The following CFAP91 variants were observed in gnomAD, a reference collection of about 807,000 sequenced individuals.
CFAP91 encodes the protein cilia and flagella associated protein 91.
Under a neutral mutation model 95.9 loss-of-function variants are expected in CFAP91, and 85 were observed. That is an observed-to-expected ratio of 0.89 (90% CI 0.74 to 1.06). The LOEUF is 1.06. Ranked by LOEUF, CFAP91 falls within the 50% of genes least tolerant of loss-of-function variation. The pLI is 0.00. For synonymous variants in CFAP91, 335 were observed against 327.5 expected (o/e 1.02, Z -0.25); for missense variants, 962 against 943.4 (o/e 1.02, Z -0.26).
At chr3:119,722,932 T>TA (rs2053714837) in intron 6 of CFAP91, among the ~76,000 whole-genome samples, 1 of 152,158 alleles carries the variant, frequency 6.6e-6, no homozygotes, top group Non-Finnish European at 1.5e-5. Flanking sequence ...AGAGAGAAAA[T>TA]ATTTATCAAT....
chr3:119,749,860 G>A (rs1247744365), intron 16 of CFAP91, among the ~76,000 whole-genome samples: 12 of 152,180 alleles, frequency 7.9e-5, no homozygotes, highest in African/African-American at 2.9e-4. Context: ...AAAGATACCT[G>A]TATATAGATA....
chr3:119,727,654 A>C (rs763077631), intron 7 of CFAP91, among the ~76,000 whole-genome samples: 17 of 152,190 alleles, frequency 1.1e-4, no homozygotes, highest in Non-Finnish European at 1.9e-4. Context: ...AGGAAGGGAC[A>C]AAAGATCTTA....
chr3:119,726,580 GTGTT>G (rs1238440167), intron 7 of CFAP91, among the ~76,000 whole-genome samples: 2 of 152,126 alleles, frequency 1.3e-5, no homozygotes, highest in African/African-American at 4.8e-5. Context: ...TGCCCTCTGT[GTGTT>G]TGAAGAAGCT....
intron 14 of CFAP91, among the ~76,000 whole-genome samples, chr3:119,746,494 C>T (rs563192388): frequency 6.6e-6 from 1 of 152,282 alleles, no homozygotes; most frequent in East Asian, 1.9e-4. Context: ...GGTCGTAGGC[C>T]TTCTGGCAAT....
chr3:119,758,282 T>C (rs1038012293), intron 17 of CFAP91, among the ~76,000 whole-genome samples: 8 of 152,212 alleles, frequency 5.3e-5, no homozygotes, highest in Non-Finnish European at 1.2e-4. Flanking sequence ...GTAATATTTT[T>C]TAATGAATCT....
At chr3:119,740,837 G>GTA (rs1297868466) in intron 13 of CFAP91, 142 bp downstream of exon 13, 1 of 348,644 alleles carries the variant, frequency 2.9e-6, no homozygotes, top group Non-Finnish European at 5.0e-6. Context: ...GTCAGCATTT[G>GTA]TGTGTGTGTG....
Position 119,732,276 on chromosome 3 carries a change from A to G in CFAP91, c.1019-18A>G, listed in dbSNP as rs1200085200. 6 of 1,570,142 alleles carry G rather than the reference A, an allele frequency of 3.8e-6. No homozygotes were observed. Among genetic ancestry groups the G allele is most frequent in the Non-Finnish European group, 4.4e-6 (5 of 1,149,330 alleles). ...AACAATATTTTAGAGATAGTCATGG[A>G]GGTATGTTTTATTTCAGCAATCAGA... On this transcript the variant is annotated intron_variant, in intron 8 of 17. Coordinates refer to ENST00000273390, the MANE Select transcript of CFAP91 (RefSeq NM_033364.4).
At chr3:119,723,416 T>A (rs1577212628) in intron 6 of CFAP91, among the ~76,000 whole-genome samples, 2 of 152,336 alleles carry the variant, frequency 1.3e-5, no homozygotes, top group South Asian at 2.1e-4. Context: ...AGTACAAGGA[T>A]GTTTGTTGCA....
intron 6 of CFAP91, among the ~76,000 whole-genome samples, chr3:119,719,128 AT>A (rs1193670863): frequency 2.0e-5 from 3 of 152,248 alleles, no homozygotes; most frequent in African/African-American, 7.2e-5. Context: ...ACTACATGTG[AT>A]TACAAGGGAG....
At chr3:119,746,089 A>T (rs1250948393) in intron 14 of CFAP91, among the ~76,000 whole-genome samples, 1 of 152,224 alleles carries the variant, frequency 6.6e-6, no homozygotes, top group African/African-American at 2.4e-5. Context: ...CTATATACAT[A>T]CACCTGTAAA....
intron 7 of CFAP91, among the ~76,000 whole-genome samples, chr3:119,727,443 A>T (rs1054079148): frequency 2.0e-5 from 3 of 152,234 alleles, no homozygotes; most frequent in Non-Finnish European, 4.4e-5. Context: ...TTAAAAATGT[A>T]TCTGGCCAGA....
chr3:119,730,600 TAGTG>T (rs1247777023), intron 8 of CFAP91, among the ~76,000 whole-genome samples: 135 of 95,458 alleles, frequency 1.4e-3, no homozygotes, highest in African/African-American at 4.7e-3. Flanking sequence ...GTTACTGAGA[TAGTG>T]TGTGTGTGTG....
intron 7 of CFAP91, 42 bp from the exon 8 acceptor site, chr3:119,730,178 G>A (rs1343559130): frequency 6.3e-7 from 1 of 1,590,242 alleles, no homozygotes; most frequent in South Asian, 1.1e-5. Context: ...CCCTCTGTTT[G>A]AGATGCCATA....
chr3:119,750,671 CTTGGACA>C, intron 16 of CFAP91: 1 of 467,772 alleles, frequency 2.1e-6, no homozygotes, highest in South Asian at 2.2e-5. Context: ...CCTGGAGGAT[CTTGGACA>C]TGAGCTTTCC....
At chr3:119,733,747 C>T (rs1043401464) in intron 10 of CFAP91, among the ~76,000 whole-genome samples, 5 of 152,046 alleles carry the variant, frequency 3.3e-5, no homozygotes, top group East Asian at 1.9e-4. Context: ...TTTCTGAAAG[C>T]GTTTTCCACT....
chr3:119,761,995 T>G (rs2054545471), intron 17 of CFAP91, among the ~76,000 whole-genome samples: 1 of 152,052 alleles, frequency 6.6e-6, no homozygotes, highest in East Asian at 1.9e-4. Flanking sequence ...GCCAGCACAG[T>G]TGGGCAAGAG....
At position 119,706,811 on chromosome 3, in the gene CFAP91, C is replaced by G; in HGVS notation, c.127C>G (p.Pro43Ala). 6.2e-7 allele frequency: 1 copy of G among 1,612,068 alleles called. No homozygotes were observed. Among genetic ancestry groups the G allele is most frequent in the Non-Finnish European group, 8.5e-7 (1 of 1,178,434 alleles). Residue 43 changes from proline (P) to alanine (A), a missense_variant and splice_region_variant, in exon 2 of 18, where the codon CCA (proline) becomes GCA (alanine). Coordinates refer to ENST00000273390, the MANE Select transcript of CFAP91 (RefSeq NM_033364.4). Reference sequence around the variant, plus strand: ...CTACTTGATTGTTTATTTTGCAGATCCATTGTTTATTGTGTCAAGTGAGAA... The same window carrying G: ...CTACTTGATTGTTTATTTTGCAGATGCATTGTTTATTGTGTCAAGTGAGAA... ...SNRAYDFLYD[P>A]LFIVSSEKDH...
chr3:119,709,925 T>C, intron 5 of CFAP91, 30 bp downstream of exon 5: 1 of 1,514,078 alleles, frequency 6.6e-7, no homozygotes, highest in South Asian at 1.1e-5. Flanking sequence ...AAACTCTTTT[T>C]CAGTTTATTT....
In CFAP91 at chr3:119,743,590, T is replaced by C. The variant is rs537618498; in HGVS notation, c.1681-385T>C. Among the ~76,000 whole-genome samples the C allele has an allele frequency of 1.4e-4, 21 of 152,374 alleles. No homozygotes were observed. In the South Asian group the frequency reaches 3.9e-3, roughly 29 times the overall value. Reference sequence around the variant, plus strand: ...ATGAGTGAATTTCTAGGAGATTCAATTTGATTAAACTCCAATATTATCTTT... The same window carrying C: ...ATGAGTGAATTTCTAGGAGATTCAACTTGATTAAACTCCAATATTATCTTT... On this transcript the variant is annotated intron_variant, in intron 13 of 17. Transcript: ENST00000273390.
Sources: allele counts gnomAD v4.1 joint callset (sites outside exome capture counted in the v4.1 genomes callset), GRCh38; gene constraint gnomAD v4.1.1; transcripts MANE v1.5; gene names NCBI Gene and HGNC (gene_info 2026-07-23, HGNC 2026-07-21).